Variants in SLC2A9 observed in about 807,000 individuals in gnomAD.
The protein encoded by SLC2A9 is solute carrier family 2, facilitated glucose transporter member 9.
In SLC2A9, 39 loss-of-function variants were observed where a neutral mutation model predicts 50.6. The ratio of observed to expected loss-of-function variants is 0.77; its 90% confidence interval spans 0.60 to 1.01. The LOEUF (loss-of-function observed/expected upper bound fraction) is 1.01. Ranked by LOEUF, SLC2A9 falls within the 50% of genes least tolerant of loss-of-function variation. SLC2A9 has a pLI of 0.00. For synonymous variants in SLC2A9, 324 were observed against 276.9 expected (o/e 1.17, Z -1.69); for missense variants, 686 against 677.6 (o/e 1.01, Z -0.14).
intron 3 of SLC2A9, among the ~76,000 whole-genome samples, chr4:9,806,597 G>A (rs888186143): frequency 4.6e-5 from 7 of 152,278 alleles, no homozygotes; most frequent in African/African-American, 1.7e-4. Flanking sequence ...CCACGACTGA[G>A]CTGGTCTCAG....
intron 1 of SLC2A9, among the ~76,000 whole-genome samples, chr4:10,028,624 T>TTTAATTGTAGACTTTTAATTTA (rs1763829948): frequency 6.6e-6 from 1 of 152,208 alleles, no homozygotes; most frequent in African/African-American, 2.4e-5. Context: ...AGACTTTTAA[T>TTTAATTGTAGACTTTTAATTTA]ATCCTAAGTC....
chr4:9,801,092 C>T (rs900789192), intron 3 of SLC2A9, among the ~76,000 whole-genome samples: 5 of 151,874 alleles, frequency 3.3e-5, no homozygotes, highest in East Asian at 1.9e-4. Flanking sequence ...GTGTAAGACA[C>T]GTGGCTCATT....
chr4:9,825,906 A>G (rs900380460), downstream of SLC2A9, among the ~76,000 whole-genome samples: 4 of 152,202 alleles, frequency 2.6e-5, no homozygotes, highest in African/African-American at 9.6e-5. Context: ...CAGGGATGGA[A>G]GCCTAGGGTC....
At chr4:9,899,448 T>C (rs944983470) in intron 8 of SLC2A9, among the ~76,000 whole-genome samples, 1 of 152,236 alleles carries the variant, frequency 6.6e-6, no homozygotes, top group Non-Finnish European at 1.5e-5. Flanking sequence ...AGGCTAATCT[T>C]TACTTTCACA....
intron 5 of SLC2A9, among the ~76,000 whole-genome samples, chr4:9,976,840 T>C (rs534825089): frequency 1.3e-5 from 2 of 152,346 alleles, no homozygotes; most frequent in Admixed American, 6.5e-5. Flanking sequence ...CTCTGAGACA[T>C]GCACAGTTCA....
intron 2 of SLC2A9, among the ~76,000 whole-genome samples, chr4:10,008,698 G>A (rs956822232): frequency 2.2e-4 from 34 of 152,176 alleles, no homozygotes; most frequent in African/African-American, 8.0e-4. Context: ...TGGAGTCTGG[G>A]TTTTGACTGT....
chr4:9,950,794 G>A lies in SLC2A9; in HGVS notation c.682-8749C>T. On this transcript the variant is annotated intron_variant, in intron 5 of 11. Coordinates refer to ENST00000264784, the MANE Select transcript of SLC2A9 (RefSeq NM_020041.3). The stretch of plus-strand genomic sequence containing the variant: ...TGTAGTCTCAGCTACTCGGGAGGCT[G>A]AGGCAGGAGAATGGCGTGAACCCGG... Among the ~76,000 whole-genome samples the A allele has an allele frequency of 2.8e-5, 2 of 71,658 alleles. 1 individual carries two copies. Among genetic ancestry groups the A allele is most frequent in the Non-Finnish European group, 4.9e-5 (2 of 41,234 alleles). 47.0% of individuals were successfully genotyped at this position (71,658 alleles called of 152,430 possible). A position where few individuals can be genotyped will look rare whatever the true frequency, so the allele number is the denominator to read the frequency against.
In SLC2A9 at chr4:9,942,025, C is replaced by T; in HGVS notation, c.702G>A (p.Leu234=). 4 of 1,614,144 alleles carry T rather than the reference C, an allele frequency of 2.5e-6. No homozygotes were observed. The highest frequency in any genetic ancestry group is 3.4e-6 in the Non-Finnish European group (4 of 1,180,000). Residue 234 remains leucine (L), a synonymous_variant, in exon 6 of 12, where the codon CTG becomes CTA. Transcript: ENST00000264784. ...LLGKESTWPY[L]FGVIVVPAVV... ...CGGCAGGGACCACAATCACTCCAAA[C>T]AGGTATGGCCAGGTACTCTCCTGTG...
intron 6 of SLC2A9, among the ~76,000 whole-genome samples, chr4:9,935,785 T>C (rs561119213): frequency 1.8e-4 from 28 of 152,232 alleles, no homozygotes; most frequent in Non-Finnish European, 3.2e-4. Context: ...CAGTCAAACC[T>C]GATGGGTCCC....
In SLC2A9 at chr4:9,980,733, G is replaced by A. The variant is rs777187880; in HGVS notation, c.540C>T (p.Val180=). 3.3e-5 allele frequency: 53 copies of A among 1,614,046 alleles called. No homozygotes were observed. The highest frequency in any genetic ancestry group is 4.5e-5 in the East Asian group (2 of 44,892). The stretch of plus-strand genomic sequence containing the variant: ...GGTACATGGGGAGCACACTGAGGGC[G>A]ACGCCTGTAGAGAGAAAGCATAGCA... The part of the protein sequence containing the change: ...GRFIMGIDGG[V]ALSVLPMYLS... The change falls in exon 5 of 12, where the codon GTC becomes GTT. Residue 180 remains valine, a synonymous_variant. Transcript: ENST00000264784.
chr4:9,909,380 C>T (rs1313904394), intron 7 of SLC2A9, among the ~76,000 whole-genome samples: 5 of 152,270 alleles, frequency 3.3e-5, no homozygotes, highest in Middle Eastern at 3.4e-3. Context: ...TACCAGCCCT[C>T]GCAACTTATT....
downstream of SLC2A9, among the ~76,000 whole-genome samples, chr4:9,822,530 C>G (rs1404191031): frequency 6.6e-6 from 1 of 152,098 alleles, no homozygotes; most frequent in Non-Finnish European, 1.5e-5. Context: ...CATTTGCGTA[C>G]TATATATTTT....
At chr4:9,857,207 G>A (rs540660092) in intron 10 of SLC2A9, among the ~76,000 whole-genome samples, 1 of 152,172 alleles carries the variant, frequency 6.6e-6, no homozygotes, top group Non-Finnish European at 1.5e-5. Context: ...CAGAACCTGG[G>A]TTCCCACTCA....
In SLC2A9 at chr4:9,781,869, G is replaced by C. The variant is rs1202101750; in HGVS notation, n.386-1804C>G. 1.6e-5 allele frequency: 9 copies of C among 567,222 alleles called. No individual in the cohort carries two copies. In the Admixed American group the frequency reaches 3.4e-4, roughly 21 times the overall value. The allele number at this position is 567,222 out of a possible 1,614,324, so 35.1% of individuals were successfully genotyped here. ...GCTTCAGGAGGCAAGAGAAGTCCCC[G>C]CGCGCTCCGCAGCCCGGCGCAGCTC... On this transcript the variant is annotated intron_variant and non_coding_transcript_variant, in intron 3 of 3. Coordinates refer to the SLC2A9 transcript ENST00000503803.
chr4:9,990,617 G>A lies in SLC2A9; in HGVS notation c.411-4824C>T, dbSNP rs79974883. On this transcript the variant is annotated intron_variant, in intron 3 of 11. Coordinates refer to ENST00000264784, the MANE Select transcript of SLC2A9 (RefSeq NM_020041.3). ...CTAACCCTGCTTTCCCGGCTCATGC[G>A]TCTGTAATACCAAAGGGGTTGTGTC... Among the ~76,000 whole-genome samples the A allele has an allele frequency of 1.9e-3, 284 of 152,250 alleles. 2 individuals carry two copies. Among genetic ancestry groups the A allele is most frequent in the African/African-American group, 6.7e-3 (277 of 41,530 alleles).
At chr4:9,809,511 G>A (rs1722576222) in intron 3 of SLC2A9, among the ~76,000 whole-genome samples, 1 of 152,158 alleles carries the variant, frequency 6.6e-6, no homozygotes, top group Non-Finnish European at 1.5e-5. Context: ...AATGGCCCGG[G>A]CACAAGAGGA....
chr4:9,976,486 C>T (rs1754824679), intron 5 of SLC2A9, among the ~76,000 whole-genome samples: 1 of 152,184 alleles, frequency 6.6e-6, no homozygotes, highest in Non-Finnish European at 1.5e-5. Flanking sequence ...CTGCAAATCC[C>T]CAGAGACATG....
intron 6 of SLC2A9, among the ~76,000 whole-genome samples, chr4:9,935,008 T>C (rs1488978258): frequency 1.3e-5 from 2 of 152,250 alleles, no homozygotes; most frequent in Non-Finnish European, 1.5e-5. Context: ...TATGGCTACA[T>C]AGTATTCCAT....
chr4:10,031,675 C>T (rs1006199428), intron 1 of SLC2A9, among the ~76,000 whole-genome samples: 2 of 152,196 alleles, frequency 1.3e-5, no homozygotes, highest in Admixed American at 6.5e-5. Flanking sequence ...AAAGTTAGTC[C>T]TAGCCAGGAA....
Sources: gnomAD v4.1 joint callset for allele counts (sites outside exome capture counted in the v4.1 genomes callset) on GRCh38, gnomAD v4.1.1 for gene constraint, MANE v1.5 for transcripts, NCBI Gene and HGNC (gene_info 2026-07-23, HGNC 2026-07-21) for gene names.